Variants in CFAP36 observed in about 807,000 individuals in gnomAD.
CFAP36 encodes cilia- and flagella-associated protein 36.
In CFAP36, 37 loss-of-function variants were observed where a neutral mutation model predicts 50.5. That is an observed-to-expected ratio of 0.73 (90% CI 0.56 to 0.96). CFAP36 has a LOEUF of 0.96. Among genes scored for constraint, CFAP36 ranks in the 50% least tolerant of loss-of-function variants. CFAP36 has a pLI of 0.00. For missense variants in CFAP36, 407 were observed against 396.2 expected (o/e 1.03, Z -0.23); for synonymous variants, 138 against 128.2 (o/e 1.08, Z -0.52).
chr2:55,524,871 C>G (rs1684164026), intron 3 of CFAP36, among the ~76,000 whole-genome samples: 2 of 151,902 alleles, frequency 1.3e-5, no homozygotes, highest in African/African-American at 4.8e-5. Context: ...ATCCCAGCTA[C>G]TTGGGAGGCT....
intron 7 of CFAP36, among the ~76,000 whole-genome samples, chr2:55,539,965 TTC>T (rs1353285410): frequency 6.6e-6 from 1 of 152,234 alleles, no homozygotes; most frequent in Non-Finnish European, 1.5e-5. Context: ...GTTGTTTGTT[TTC>T]TTTTTGTTAA....
chr2:55,533,954 T>G lies in CFAP36; in HGVS notation c.479T>G (p.Val160Gly). The G allele has an allele frequency of 6.3e-7, 1 of 1,590,958 alleles. No homozygotes were observed. Among genetic ancestry groups the G allele is most frequent in the Admixed American group, 1.7e-5 (1 of 59,582 alleles). Residue 160 changes from valine (V) to glycine (G), a missense_variant, in exon 5 of 10, where the codon GTT becomes GGT. Transcript: ENST00000349456. ...GAAGAGATGAAAATCCTGAGGGAAGTTCTTAGGTACCATTCTTTAATTGTT... is the reference window on the plus strand; with the variant it reads ...GAAGAGATGAAAATCCTGAGGGAAGGTCTTAGGTACCATTCTTTAATTGTT... ...EHEEMKILREVLRKSKEEYDQ... is the reference protein window; with the variant it reads ...EHEEMKILREGLRKSKEEYDQ...
rs766105569 is a variant in CFAP36 at position 55,533,896 on chromosome 2, G to A, written c.421G>A (p.Asp141Asn). ...AGGTGTATTACCTGACTGCTTAACCGATGGCTCTGATGTGGTCAGTGACCT... is the reference window on the plus strand; with the variant it reads ...AGGTGTATTACCTGACTGCTTAACCAATGGCTCTGATGTGGTCAGTGACCT... ...RNGVLPDCLT[D>N]GSDVVSDLEH... Residue 141 changes from aspartate to asparagine, a missense_variant, in exon 5 of 10, where the codon GAT becomes AAT. By Grantham distance (23) the Asp-to-Asn change is conservative. Transcript: ENST00000349456. 7.5e-6 allele frequency: 12 copies of A among 1,610,310 alleles called. No individual in the cohort carries two copies. Among genetic ancestry groups the A allele is most frequent in the East Asian group, 2.2e-5 (1 of 44,846 alleles).
chr2:55,520,450 C>T, intron 1 of CFAP36: 5 of 1,548,204 alleles, frequency 3.2e-6, no homozygotes, highest in Non-Finnish European at 4.4e-6. Context: ...AGCCCAGAGC[C>T]GGTGATTTTG....
At chr2:55,535,050 T>G (rs1225218151) in intron 5 of CFAP36, among the ~76,000 whole-genome samples, 2 of 152,220 alleles carry the variant, frequency 1.3e-5, no homozygotes, top group Admixed American at 6.5e-5. Context: ...AGAGGACTGG[T>G]AAAGTTTTGA....
chr2:55,523,611 T>A lies in CFAP36; in HGVS notation c.181-110T>A, dbSNP rs1684128206. The A allele has an allele frequency of 8.2e-6, 5 of 612,792 alleles. No homozygotes were observed. In the South Asian group the frequency reaches 1.3e-4, roughly 16 times the overall value. 38.0% of individuals were successfully genotyped at this position (612,792 alleles called of 1,614,324 possible). A position where few individuals can be genotyped will look rare whatever the true frequency, so the allele number is the denominator to read the frequency against. Reference sequence around the variant, plus strand: ...TGTCACTGTCATGTAATATGTAGATTAATATTTGCAAAAAATTCGATGATA... The same window carrying A: ...TGTCACTGTCATGTAATATGTAGATAAATATTTGCAAAAAATTCGATGATA... On this transcript the variant is annotated intron_variant, in intron 2 of 9. Transcript: ENST00000349456.
intron 3 of CFAP36, among the ~76,000 whole-genome samples, chr2:55,526,481 A>C (rs977231030): frequency 1.3e-5 from 2 of 152,114 alleles, no homozygotes; most frequent in Non-Finnish European, 2.9e-5. Flanking sequence ...TTTCTCTGCC[A>C]CCCTGGCTGG....
chr2:55,523,933 T>C, intron 3 of CFAP36, 111 bp downstream of exon 3: 1 of 640,664 alleles, frequency 1.6e-6, no homozygotes, highest in South Asian at 3.4e-5. Context: ...TTAGACATTG[T>C]GAGAGGTAGA....
Position 55,522,148 on chromosome 2 carries a change from T to A in CFAP36, c.162T>A (p.His54Gln). 6.5e-7 allele frequency: 1 copy of A among 1,537,814 alleles called. No homozygotes were observed. The highest frequency in any genetic ancestry group is 8.9e-7 in the Non-Finnish European group (1 of 1,125,114). The change falls in exon 2 of 10, where the codon CAT (histidine) becomes CAA (glutamine). Residue 54 changes from histidine (H) to glutamine (Q), a missense_variant. Physicochemically the swap from His to Gln is conservative, Grantham distance 24. Coordinates refer to ENST00000349456, the MANE Select transcript of CFAP36 (RefSeq NM_080667.7). ...GCAAATTGACCTATACAGAGATTCA[T>A]CAGGAATACAAAGAACTAGTGAGTA... Reference protein sequence around the residue: ...EESKLTYTEIHQEYKELVEKL... With the variant: ...EESKLTYTEIQQEYKELVEKL...
At chr2:55,521,024 T>A (rs570195311) in intron 1 of CFAP36, among the ~76,000 whole-genome samples, 2 of 152,322 alleles carry the variant, frequency 1.3e-5, no homozygotes, top group Non-Finnish European at 2.9e-5. Flanking sequence ...CTTTTAAGAC[T>A]TCTTTAAATT....
Position 55,533,894 on chromosome 2 carries a change from C to T in CFAP36, c.419C>T (p.Thr140Ile), listed in dbSNP as rs1684414710. Reference sequence around the variant, plus strand: ...ACAGGTGTATTACCTGACTGCTTAACCGATGGCTCTGATGTGGTCAGTGAC... The same window carrying T: ...ACAGGTGTATTACCTGACTGCTTAATCGATGGCTCTGATGTGGTCAGTGAC... ...ERNGVLPDCLTDGSDVVSDLE... is the reference protein window; with the variant it reads ...ERNGVLPDCLIDGSDVVSDLE... Residue 140 changes from threonine (T) to isoleucine (I), a missense_variant, in exon 5 of 10, where the codon ACC (threonine) becomes ATC (isoleucine). Physicochemically the swap from Thr to Ile is moderately conservative, Grantham distance 89. Transcript: ENST00000349456. The T allele has an allele frequency of 6.2e-7, 1 of 1,610,840 alleles. No homozygotes were observed. Among genetic ancestry groups the T allele is most frequent in the Non-Finnish European group, 8.5e-7 (1 of 1,178,150 alleles).
chr2:55,533,863 T>C lies in CFAP36; in HGVS notation c.398-10T>C, dbSNP rs1174357293. 1.3e-6 allele frequency: 2 copies of C among 1,576,828 alleles called. No individual in the cohort carries two copies. The highest frequency in any genetic ancestry group is 1.4e-5 in the African/African-American group (1 of 73,774). ...TGATACTATTTCATGTGGTCTTTGG[T>C]TTTGAACAGGTGTATTACCTGACTG... is the stretch of plus-strand genomic sequence containing the variant. On this transcript the variant is annotated splice_polypyrimidine_tract_variant and intron_variant, in intron 4 of 9. Transcript: ENST00000349456.
At chr2:55,522,279 C>T in intron 2 of CFAP36, 113 bp downstream of exon 2, 2 of 590,900 alleles carry the variant, frequency 3.4e-6, no homozygotes. Flanking sequence ...TACAAAAATC[C>T]AATCTACCTT....
At chr2:55,534,573 G>A (rs1684434503) in intron 5 of CFAP36, among the ~76,000 whole-genome samples, 1 of 152,214 alleles carries the variant, frequency 6.6e-6, no homozygotes, top group South Asian at 2.1e-4. Context: ...TTTTGGGCCT[G>A]TTGTGCCCTG....
chr2:55,522,448 T>G (rs1416656740), intron 2 of CFAP36, among the ~76,000 whole-genome samples: 1 of 152,186 alleles, frequency 6.6e-6, no homozygotes, highest in African/African-American at 2.4e-5. Flanking sequence ...TCCAGGGACA[T>G]ATTAATTATT....
intron 4 of CFAP36, among the ~76,000 whole-genome samples, chr2:55,531,808 G>A (rs1270895376): frequency 6.6e-6 from 1 of 152,116 alleles, no homozygotes; most frequent in African/African-American, 2.4e-5. Context: ...ATTATGATTG[G>A]CTTGAACCAA....
rs372141624 is a variant in CFAP36, at chr2:55,544,358, G to A, written c.916G>A (p.Gly306Arg). 4 of 1,611,756 alleles carry A rather than the reference G, an allele frequency of 2.5e-6. No individual in the cohort carries two copies. Among genetic ancestry groups the A allele is most frequent in the African/African-American group, 2.7e-5 (2 of 74,788 alleles). The change falls in exon 9 of 10, where the codon GGG (glycine) becomes AGG (arginine). Residue 306 changes from glycine (G) to arginine (R), a missense_variant. Gly to Arg is a moderately radical substitution (Grantham distance 125). Coordinates refer to ENST00000349456, the MANE Select transcript of CFAP36 (RefSeq NM_080667.7). ...TATGGAGCAGAAAGGAAAACCCACT[G>A]GGGAGGTAGAGGTATGGCTAGCCTT... ...QNMEQKGKPT[G>R]EVEEMTEKPE...
intron 1 of CFAP36, among the ~76,000 whole-genome samples, chr2:55,521,787 G>T (rs1053257420): frequency 6.6e-6 from 1 of 151,698 alleles, no homozygotes; most frequent in Non-Finnish European, 1.5e-5. Context: ...GCACAACCAC[G>T]CCTGGCTGAT....
At chr2:55,543,353 G>A (rs982180770) in intron 7 of CFAP36, among the ~76,000 whole-genome samples, 5 of 152,138 alleles carry the variant, frequency 3.3e-5, no homozygotes, top group Non-Finnish European at 5.9e-5. Flanking sequence ...TAGTGCTCAT[G>A]TTTATATGTG....
Sources: allele counts gnomAD v4.1 joint callset (sites outside exome capture counted in the v4.1 genomes callset), GRCh38; gene constraint gnomAD v4.1.1; transcripts MANE v1.5; gene names NCBI Gene and HGNC (gene_info 2026-07-23, HGNC 2026-07-21).